Variants in NSMCE4A observed in about 807,000 individuals in gnomAD.
NSMCE4A encodes the protein NSE4A component of SMC5/6 complex.
A neutral mutation model predicts 47.9 loss-of-function variants in NSMCE4A; 40 were observed. That is an observed-to-expected ratio of 0.83 (90% CI 0.65 to 1.09). NSMCE4A has a LOEUF of 1.09. NSMCE4A is among the 50% of genes least tolerant of loss of function. NSMCE4A has a pLI of 0.00. For synonymous variants in NSMCE4A, 166 were observed against 178.5 expected (o/e 0.93, Z 0.56); for missense variants, 500 against 507.0 (o/e 0.99, Z 0.13).
At position 121,967,748 on chromosome 10, in the gene NSMCE4A, C is replaced by A. The variant is rs1564996331; in HGVS notation, c.560G>T (p.Ser187Ile). 1 of 1,614,168 alleles carries A rather than the reference C, an allele frequency of 6.2e-7. No homozygotes were observed. ...EAEELIRDED[S>I]PDFEFIVYDS... ...ATAGACTATGAATTCAAAATCAGGA[C>A]TATCTTCATCACGGATGAGTTCTTC... The change falls in exon 4 of 11, where the codon AGT (serine) becomes ATT (isoleucine). Residue 187 changes from serine to isoleucine, a missense_variant. Ser to Ile is a moderately radical substitution (Grantham distance 142). Transcript: ENST00000369023.
intron 2 of NSMCE4A, among the ~76,000 whole-genome samples, chr10:121,973,408 A>AC (rs1370450202): frequency 1.3e-5 from 2 of 152,140 alleles, no homozygotes; most frequent in African/African-American, 4.8e-5. Context: ...GACAGCTGCT[A>AC]CCAATACCAC....
At chr10:121,974,721 A>G (rs529961787) in intron 1 of NSMCE4A, 153 bp downstream of exon 1, 1 of 1,137,414 alleles carries the variant, frequency 8.8e-7, no homozygotes, top group African/African-American at 1.6e-5. Flanking sequence ...CAACAATTTA[A>G]GGTGCGGCGA....
At chr10:121,974,495 C>T in intron 1 of NSMCE4A, 1 of 1,002,724 alleles carries the variant, frequency 1.0e-6, no homozygotes. Flanking sequence ...TCTCGCGTGC[C>T]GCTGCAGCTG....
At chr10:121,971,716 G>A (rs771435960) in intron 2 of NSMCE4A, among the ~76,000 whole-genome samples, 8 of 152,188 alleles carry the variant, frequency 5.3e-5, no homozygotes, top group Non-Finnish European at 1.0e-4. Context: ...ATGATCATGT[G>A]TGCTGACGTA....
intron 6 of NSMCE4A, among the ~76,000 whole-genome samples, chr10:121,962,549 C>T (rs1458730569): frequency 6.6e-6 from 1 of 151,738 alleles, no homozygotes; most frequent in Non-Finnish European, 1.5e-5. Flanking sequence ...GAAGAATGTC[C>T]ACATGGAAAA....
chr10:121,972,476 A>G (rs1952734011), intron 2 of NSMCE4A, among the ~76,000 whole-genome samples: 1 of 152,010 alleles, frequency 6.6e-6, no homozygotes, highest in South Asian at 2.1e-4. Flanking sequence ...TATTTATTTT[A>G]CAAACTGAGA....
chr10:121,967,409 G>A (rs1468742097), intron 4 of NSMCE4A: 11 of 440,084 alleles, frequency 2.5e-5, no homozygotes, highest in Non-Finnish European at 3.6e-5. Flanking sequence ...TGTTGCCCAG[G>A]CTGATCTTGA....
intron 6 of NSMCE4A, among the ~76,000 whole-genome samples, chr10:121,962,774 G>A (rs928379651): frequency 5.3e-5 from 8 of 151,868 alleles, no homozygotes; most frequent in South Asian, 2.1e-4. Context: ...TACCACACCC[G>A]GTTAATTTTG....
chr10:121,974,374 T>C (rs766450419), intron 1 of NSMCE4A: 37 of 1,147,908 alleles, frequency 3.2e-5, no homozygotes, highest in African/African-American at 1.2e-4. Flanking sequence ...TCTCAAACTT[T>C]GCAAGCAATA....
rs370284002 is a variant in NSMCE4A at position 121,968,469 on chromosome 10, T to A, written c.502-663A>T. On this transcript the variant is annotated intron_variant, in intron 3 of 10. Transcript: ENST00000369023. ...TTCAGATTTTAATTTTTTGCCAACC[T>A]CCTACAAATCTCTATTCAGCTTGTA... Among the ~76,000 whole-genome samples the A allele has an allele frequency of 8.5e-4, 129 of 152,292 alleles. 1 individual carries two copies. Among genetic ancestry groups the A allele is most frequent in the Admixed American group, 1.4e-3 (22 of 15,296 alleles).
chr10:121,963,402 A>C (rs1952538550), intron 5 of NSMCE4A, 74 bp from the exon 6 acceptor site: 1 of 813,006 alleles, frequency 1.2e-6, no homozygotes, highest in African/African-American at 1.7e-5. Flanking sequence ...TTGCACACCC[A>C]AACTCCTTTT....
In NSMCE4A at chr10:121,960,320, T is replaced by A. The variant is rs10887033; in HGVS notation, c.988+38A>T. ...TTAAATTCTACTAACAAATATATTT[T>A]CTCTAAAACTAATTTTTCCAAACAT... On this transcript the variant is annotated intron_variant, in intron 8 of 10. Transcript: ENST00000369023. The surrounding 1 kb of genome is among the most constrained non-coding windows in gnomAD (Gnocchi z 4.2). The A allele has an allele frequency of 0.31, 399,920 of 1,309,838 alleles. 62,786 individuals carry two copies. Among genetic ancestry groups the A allele is most frequent in the South Asian group, 0.43 (26,271 of 60,762 alleles). The allele number at this position is 1,309,838 out of a possible 1,614,324, so 81.1% of individuals were successfully genotyped here.
chr10:121,964,706 C>T (rs1407048714), intron 5 of NSMCE4A, among the ~76,000 whole-genome samples: 1 of 152,386 alleles, frequency 6.6e-6, no homozygotes, highest in East Asian at 1.9e-4. Context: ...TCCCAAAGTG[C>T]TGGGATTACA....
rs571839606 is a variant in NSMCE4A, at chr10:121,974,834, G to C, written c.292+40C>G. The stretch of plus-strand genomic sequence containing the variant: ...GCGCCCGGCGCAGGGCGGGGACAGC[G>C]GCCCGTCCGGGCCCGCGCCGCCCGG... On this transcript the variant is annotated intron_variant, in intron 1 of 10. Coordinates refer to ENST00000369023, the MANE Select transcript of NSMCE4A (RefSeq NM_017615.3). The C allele has an allele frequency of 3.0e-6, 4 of 1,351,930 alleles. No individual in the cohort carries two copies. The South Asian group carries it at 5.7e-5, about 19-fold the overall frequency. The allele number at this position is 1,351,930 out of a possible 1,614,324, so 83.7% of individuals were successfully genotyped here.
chr10:121,957,535 G>A (rs530387368), intron 10 of NSMCE4A, among the ~76,000 whole-genome samples: 64 of 146,032 alleles, frequency 4.4e-4, no homozygotes, highest in Middle Eastern at 3.6e-3. Context: ...CCAGGTTCAC[G>A]CCATTCTCCT....
At chr10:121,958,655 A>G (rs900438005) in intron 10 of NSMCE4A, among the ~76,000 whole-genome samples, 2 of 152,156 alleles carry the variant, frequency 1.3e-5, no homozygotes, top group African/African-American at 4.8e-5. Context: ...TCATACCTAT[A>G]ATCCCAGCAC....
chr10:121,958,616 G>A (rs983634274), intron 10 of NSMCE4A, among the ~76,000 whole-genome samples: 3 of 152,052 alleles, frequency 2.0e-5, no homozygotes, highest in Non-Finnish European at 2.9e-5. Context: ...CAGTTTGTTG[G>A]GGGAAAAGCA....
intron 5 of NSMCE4A, among the ~76,000 whole-genome samples, 190 bp downstream of exon 5, chr10:121,965,096 A>G (rs1463152668): frequency 6.6e-6 from 1 of 152,182 alleles, no homozygotes; most frequent in African/African-American, 2.4e-5. Context: ...AACTAGAGAA[A>G]TGAGTTAAAA....
At chr10:121,962,831 C>T (rs1320958690) in intron 6 of NSMCE4A, among the ~76,000 whole-genome samples, 1 of 151,922 alleles carries the variant, frequency 6.6e-6, no homozygotes, top group Non-Finnish European at 1.5e-5. Context: ...AGGCGGGTAT[C>T]GAACTCCCAA....
Sources: gnomAD v4.1 joint callset for allele counts (sites outside exome capture counted in the v4.1 genomes callset) on GRCh38, gnomAD v4.1.1 for gene constraint, Gnocchi (gnomAD v3.1) non-coding constraint, MANE v1.5 for transcripts, NCBI Gene and HGNC (gene_info 2026-07-23, HGNC 2026-07-21) for gene names.